The following NKAIN2 variants were observed in gnomAD, a reference collection of about 807,000 sequenced individuals.
The protein encoded by NKAIN2 is sodium/potassium-transporting ATPase subunit beta-1-interacting protein 2.
A neutral mutation model predicts 32.6 loss-of-function variants in NKAIN2; 14 were observed. The ratio of observed to expected loss-of-function variants is 0.43; its 90% confidence interval spans 0.28 to 0.67. NKAIN2 has a LOEUF of 0.67. Among genes scored for constraint, NKAIN2 ranks in the 30% least tolerant of loss-of-function variants. NKAIN2 has a pLI of 0.17. For missense variants in NKAIN2, 198 were observed against 258.3 expected (o/e 0.77, Z 1.60); for synonymous variants, 80 against 87.2 (o/e 0.92, Z 0.46).
At chr6:124,670,647 G>C (rs1300593464) in intron 4 of NKAIN2, among the ~76,000 whole-genome samples, 6 of 96,990 alleles carry the variant, frequency 6.2e-5, no homozygotes, top group Non-Finnish European at 6.6e-5. Flanking sequence ...TTTGCTTTCT[G>C]TGTGTGTGTG....
At chr6:124,607,629 G>C (rs930454680) in intron 3 of NKAIN2, among the ~76,000 whole-genome samples, 8 of 151,928 alleles carry the variant, frequency 5.3e-5, no homozygotes, top group African/African-American at 1.9e-4. Context: ...TGCCCCTACT[G>C]TATTGCAAAA....
intron 3 of NKAIN2, among the ~76,000 whole-genome samples, chr6:124,388,735 C>T (rs1773019957): frequency 6.6e-6 from 1 of 152,058 alleles, no homozygotes; most frequent in African/African-American, 2.4e-5. Flanking sequence ...TTAATGCACA[C>T]GTTCTTAGCT....
At chr6:124,691,854 T>A (rs1018564056) in intron 4 of NKAIN2, among the ~76,000 whole-genome samples, 10 of 152,160 alleles carry the variant, frequency 6.6e-5, no homozygotes, top group Non-Finnish European at 1.5e-4. Flanking sequence ...CACACGGTAA[T>A]AAACTGAAAT....
intron 3 of NKAIN2, among the ~76,000 whole-genome samples, chr6:124,499,063 C>T (rs1328930195): frequency 6.6e-6 from 1 of 152,050 alleles, no homozygotes. Context: ...CCACCTTATC[C>T]GGCCAATGTA....
At chr6:124,752,331 G>T (rs1777759114) in intron 4 of NKAIN2, among the ~76,000 whole-genome samples, 1 of 151,860 alleles carries the variant, frequency 6.6e-6, no homozygotes, top group South Asian at 2.1e-4. Context: ...TTTATCCAAA[G>T]CTCTTGGTTC....
intron 5 of NKAIN2, among the ~76,000 whole-genome samples, chr6:124,810,879 G>T (rs943662070): frequency 6.8e-6 from 1 of 146,708 alleles, no homozygotes; most frequent in Non-Finnish European, 1.5e-5. Context: ...ACAGGCTAAA[G>T]TACGTCTTCC....
intron 4 of NKAIN2, among the ~76,000 whole-genome samples, chr6:124,692,291 T>C (rs1774292776): frequency 6.6e-6 from 1 of 152,198 alleles, no homozygotes; most frequent in South Asian, 2.1e-4. Context: ...TTCTCAGCTC[T>C]TCATAAATTT....
At chr6:124,743,429 GATC>G (rs542422777) in intron 4 of NKAIN2, among the ~76,000 whole-genome samples, 123 of 139,198 alleles carry the variant, frequency 8.8e-4, no homozygotes, top group African/African-American at 3.0e-3. Context: ...TTAATAAATC[GATC>G]ATTATTAACA....
At chr6:123,831,802 C>A (rs1298102528) in intron 1 of NKAIN2, among the ~76,000 whole-genome samples, 1 of 152,000 alleles carries the variant, frequency 6.6e-6, no homozygotes. Context: ...ACTACAGGTG[C>A]CTGCTACCAC....
At chr6:123,966,292 C>T (rs903028678) in intron 1 of NKAIN2, among the ~76,000 whole-genome samples, 7 of 152,144 alleles carry the variant, frequency 4.6e-5, no homozygotes, top group Non-Finnish European at 8.8e-5. Context: ...GTCAACCTTG[C>T]CTTCCCTCCT....
intron 3 of NKAIN2, among the ~76,000 whole-genome samples, chr6:124,534,866 T>C (rs569234617): frequency 6.6e-6 from 1 of 152,320 alleles, no homozygotes; most frequent in East Asian, 1.9e-4. Flanking sequence ...CAGTTGTCCC[T>C]TGGCATCTGT....
chr6:124,011,091 A>G (rs1339855120), intron 1 of NKAIN2, among the ~76,000 whole-genome samples: 4 of 152,102 alleles, frequency 2.6e-5, no homozygotes, highest in Non-Finnish European at 5.9e-5. Context: ...CCCTTACTCT[A>G]TGTTTTAATA....
At chr6:123,850,417 C>A (rs748236026) in intron 1 of NKAIN2, among the ~76,000 whole-genome samples, 22 of 150,668 alleles carry the variant, frequency 1.5e-4, no homozygotes, top group Non-Finnish European at 2.8e-4. Flanking sequence ...AAGCTAAGGG[C>A]TACTGGTGGG....
intron 1 of NKAIN2, among the ~76,000 whole-genome samples, chr6:124,158,714 G>T (rs2114435653): frequency 6.6e-6 from 1 of 152,252 alleles, no homozygotes; most frequent in African/African-American, 2.4e-5. Flanking sequence ...AATGAGGAGT[G>T]ATAAGAGACA....
chr6:124,543,656 A>T (rs1044997788), intron 3 of NKAIN2, among the ~76,000 whole-genome samples: 1 of 152,234 alleles, frequency 6.6e-6, no homozygotes, highest in Non-Finnish European at 1.5e-5. Flanking sequence ...ACACAAAAAA[A>T]GCAGGGTAAA....
At chr6:124,769,940 T>C (rs971544399) in intron 4 of NKAIN2, among the ~76,000 whole-genome samples, 2 of 152,202 alleles carry the variant, frequency 1.3e-5, no homozygotes, top group African/African-American at 2.4e-5. Context: ...TATAGTTTCA[T>C]ATGTCACACC....
chr6:123,925,594 A>G (rs1325989038), intron 1 of NKAIN2, among the ~76,000 whole-genome samples: 2 of 152,198 alleles, frequency 1.3e-5, no homozygotes. Flanking sequence ...TTAAAAAAAC[A>G]GTCATTTCAT....
At chr6:124,348,625 G>T (rs537151269) in intron 2 of NKAIN2, among the ~76,000 whole-genome samples, 130 of 152,340 alleles carry the variant, frequency 8.5e-4, no homozygotes, top group African/African-American at 3.0e-3. Context: ...AGCCAAGATG[G>T]CCAAATAGGA....
chr6:124,783,003 T>C (rs916528083), intron 4 of NKAIN2, among the ~76,000 whole-genome samples: 2 of 152,142 alleles, frequency 1.3e-5, no homozygotes, highest in African/African-American at 4.8e-5. Flanking sequence ...GGCGATTTCA[T>C]GGTAGTTCTA....
Sources: gnomAD v4.1 joint callset for allele counts (sites outside exome capture counted in the v4.1 genomes callset) on GRCh38, gnomAD v4.1.1 for gene constraint, MANE v1.5 for transcripts, NCBI Gene and HGNC (gene_info 2026-07-23, HGNC 2026-07-21) for gene names.